SLC66A2: variants seen among roughly 807,000 people sequenced by gnomAD.
SLC66A2 encodes the protein PQ loop repeat containing 1.
A neutral mutation model predicts 25.5 loss-of-function variants in SLC66A2; 23 were observed. The ratio of observed to expected loss-of-function variants is 0.90; its 90% CI spans 0.65 to 1.28. The LOEUF is 1.28. Ranked by LOEUF, SLC66A2 falls within the 50% of genes most tolerant of loss-of-function variation. The pLI, the probability that SLC66A2 is intolerant of heterozygous loss-of-function variation, is 0.00. For synonymous variants in SLC66A2, 193 were observed against 166.5 expected (o/e 1.16, Z -1.23); for missense variants, 396 against 373.1 (o/e 1.06, Z -0.51).
rs1327271604 is a variant in SLC66A2, at chr18:79,917,682, C to G, written c.608+1502G>C. Among the ~76,000 whole-genome samples, 1 of 152,074 alleles carries G rather than the reference C, an allele frequency of 6.6e-6. No homozygotes were observed. Among genetic ancestry groups the G allele is most frequent in the Non-Finnish European group, 1.5e-5 (1 of 67,980 alleles). On this transcript the variant is annotated intron_variant, in intron 5 of 5. Transcript: ENST00000397778. This position sits in a 1 kb window ranked among gnomAD's most constrained non-coding sequence, Gnocchi z 6.0. ...TCCACACCGAAGCCCTCAGGGCTGC[C>G]ACTGCCCAACCCAACAGTGAGGGAG...
chr18:79,903,856 A>C lies in SLC66A2; in HGVS notation c.*120T>G. On this transcript the variant is annotated 3_prime_UTR_variant, in exon 6 of 6. Coordinates refer to ENST00000397778, the MANE Select transcript of SLC66A2 (RefSeq NM_025078.5). ...CCCCACAGAGGCTGATGGAGACCCC[A>C]ATGCCCATGCCCCATCTCTGCCACA... The C allele has an allele frequency of 5.8e-5, 45 of 777,884 alleles. No homozygotes were observed. Among genetic ancestry groups the C allele is most frequent in the East Asian group, 1.2e-4 (4 of 33,164 alleles). 48.2% of individuals were successfully genotyped at this position (777,884 alleles called of 1,614,324 possible).
intron 5 of SLC66A2, among the ~76,000 whole-genome samples, chr18:79,911,528 G>A (rs1056929754): frequency 2.0e-5 from 3 of 152,238 alleles, no homozygotes; most frequent in African/African-American, 4.8e-5. Context: ...CACTGTTAGC[G>A]TCCCCGGGGC....
intron 5 of SLC66A2, among the ~76,000 whole-genome samples, chr18:79,913,229 G>A (rs570056335): frequency 6.6e-6 from 1 of 152,292 alleles, no homozygotes; most frequent in African/African-American, 2.4e-5. Context: ...GGTCCACACA[G>A]GCACCTGCCC....
intron 5 of SLC66A2, among the ~76,000 whole-genome samples, chr18:79,911,467 C>G (rs1279095317): frequency 6.6e-6 from 1 of 152,266 alleles, no homozygotes; most frequent in Non-Finnish European, 1.5e-5. Flanking sequence ...GCAGCTGAAG[C>G]CTGATCCCAG....
In SLC66A2 at chr18:79,927,303, G is replaced by C. The variant is rs1816853782; in HGVS notation, c.391+6666C>G. 6.6e-6 allele frequency among the ~76,000 whole-genome samples: 1 copy of C among 151,940 alleles called. No individual in the cohort carries two copies. The highest frequency in any genetic ancestry group is 1.5e-5 in the Non-Finnish European group (1 of 68,030). ...ATCTGGAGGGACCTGAGGGGCACAG[G>C]CTACAGTCGGGAGAGCCCCGGGCAG... On this transcript the variant is annotated intron_variant, in intron 4 of 5. Transcript: ENST00000397778. The surrounding 1 kb of genome is among the most constrained non-coding windows in gnomAD (Gnocchi z 6.2).
intron 3 of SLC66A2, among the ~76,000 whole-genome samples, chr18:79,942,673 C>T (rs906855337): frequency 6.6e-6 from 1 of 152,198 alleles, no homozygotes; most frequent in African/African-American, 2.4e-5. Flanking sequence ...ACACAAGAAG[C>T]CCGCCAGCCT....
At chr18:79,911,024 A>G (rs1171044555) in intron 5 of SLC66A2, among the ~76,000 whole-genome samples, 1 of 152,260 alleles carries the variant, frequency 6.6e-6, no homozygotes, top group Non-Finnish European at 1.5e-5. Context: ...GGCTCACTGC[A>G]GCACCCACAC....
chr18:79,916,100 A>G, intron 5 of SLC66A2: 1 of 187,726 alleles, frequency 5.3e-6, no homozygotes, highest in South Asian at 5.2e-5. Context: ...GTGCTCTCAT[A>G]CCCGCAGTGC....
Position 79,943,597 on chromosome 18 carries a change from G to A in SLC66A2, c.204-135C>T, listed in dbSNP as rs188376798. 2.1e-3 allele frequency: 2,265 copies of A among 1,053,942 alleles called. 17 individuals carry two copies. In the Middle Eastern group the frequency reaches 0.032, roughly 15 times the overall value. 65.3% of individuals were successfully genotyped at this position (1,053,942 alleles called of 1,614,324 possible). On this transcript the variant is annotated intron_variant, in intron 2 of 5. Transcript: ENST00000397778. The stretch of plus-strand genomic sequence containing the variant: ...CCCTCCCAGTCCTGAACCTGCAGCC[G>A]GAGAGACCCTGTGTCAGGCCCACCC...
chr18:79,918,356 G>A lies in SLC66A2; in HGVS notation c.608+828C>T, dbSNP rs908784835. Among the ~76,000 whole-genome samples, 1 of 151,562 alleles carries A rather than the reference G, an allele frequency of 6.6e-6. No homozygotes were observed. Among genetic ancestry groups the A allele is most frequent in the African/African-American group, 2.4e-5 (1 of 41,344 alleles). ...GAGACCAGACTCAAGCAACGTGTGGGGGCTCAGGGTGTTCTCCGTGAGGAG... is the reference window on the plus strand; with the variant it reads ...GAGACCAGACTCAAGCAACGTGTGGAGGCTCAGGGTGTTCTCCGTGAGGAG... On this transcript the variant is annotated intron_variant, in intron 5 of 5. Coordinates refer to ENST00000397778, the MANE Select transcript of SLC66A2 (RefSeq NM_025078.5). The surrounding 1 kb of genome is among the most constrained non-coding windows in gnomAD (Gnocchi z 4.0).
intron 5 of SLC66A2, among the ~76,000 whole-genome samples, chr18:79,906,537 A>G (rs1362685146): frequency 6.6e-6 from 1 of 152,206 alleles, no homozygotes; most frequent in East Asian, 1.9e-4. Context: ...CTTAAGATCT[A>G]TTTCTGCTAT....
intron 4 of SLC66A2, among the ~76,000 whole-genome samples, chr18:79,919,961 A>G (rs867077382): frequency 2.1e-4 from 3 of 14,540 alleles, no homozygotes; most frequent in Non-Finnish European, 2.3e-4. Context: ...AAGGTCAGTG[A>G]GGAGAGACAG....
intron 2 of SLC66A2, 92 bp from the exon 3 acceptor site, chr18:79,943,554 G>A: frequency 1.3e-6 from 2 of 1,485,482 alleles, no homozygotes; most frequent in South Asian, 1.3e-5. Context: ...GGTCAGGAGG[G>A]AGGCCCACCC....
chr18:79,911,729 GGGGAGGGGACGGGAGCA>G (rs1433854525), intron 5 of SLC66A2, among the ~76,000 whole-genome samples: 1 of 151,902 alleles, frequency 6.6e-6, no homozygotes, highest in Non-Finnish European at 1.5e-5. Flanking sequence ...TTAGAGGGCA[GGGGAGGGGACGGGAGCA>G]GGGAGGGGAC....
At chr18:79,923,189 T>C (rs1389949492) in intron 4 of SLC66A2, among the ~76,000 whole-genome samples, 1 of 121,010 alleles carries the variant, frequency 8.3e-6, no homozygotes. Flanking sequence ...CTGAGCAGGA[T>C]GGGCTATGGA....
chr18:79,946,999 TAGC>T (rs2050947047), intron 2 of SLC66A2, among the ~76,000 whole-genome samples: 1 of 152,138 alleles, frequency 6.6e-6, no homozygotes, highest in African/African-American at 2.4e-5. Context: ...AGAAGCTTTG[TAGC>T]TTTGTATCTA....
intron 3 of SLC66A2, among the ~76,000 whole-genome samples, chr18:79,942,027 C>T (rs537478428): frequency 1.4e-4 from 22 of 152,332 alleles, no homozygotes; most frequent in Admixed American, 1.1e-3. Flanking sequence ...AGGGAACATG[C>T]CATGAGGAGC....
At chr18:79,907,813 G>A (rs751554865) in intron 5 of SLC66A2, among the ~76,000 whole-genome samples, 10 of 152,044 alleles carry the variant, frequency 6.6e-5, no homozygotes, top group East Asian at 3.9e-4. Context: ...AGGGGACCAC[G>A]GATGCTGTTA....
chr18:79,905,120 T>C (rs1203043627), intron 5 of SLC66A2, among the ~76,000 whole-genome samples: 1 of 152,122 alleles, frequency 6.6e-6, no homozygotes, highest in Non-Finnish European at 1.5e-5. Context: ...CCCTCCTCTC[T>C]CCCAAGCCCA....
Sources: gnomAD v4.1 joint callset for allele counts (sites outside exome capture counted in the v4.1 genomes callset) on GRCh38, gnomAD v4.1.1 for gene constraint, Gnocchi (gnomAD v3.1) non-coding constraint, MANE v1.5 for transcripts, NCBI Gene and HGNC (gene_info 2026-07-23, HGNC 2026-07-21) for gene names.